Variants in ARHGAP45 observed in about 807,000 individuals in gnomAD.
ARHGAP45 encodes rho GTPase-activating protein 45.
A neutral mutation model predicts 116.1 loss-of-function variants in ARHGAP45; 56 were observed. The observed-to-expected ratio is 0.48, with a 90% CI of 0.39 to 0.60. ARHGAP45 has a LOEUF of 0.60. ARHGAP45 is among the 20% of genes least tolerant of loss of function. ARHGAP45 has a pLI of 0.00. For synonymous variants in ARHGAP45, 866 were observed against 701.7 expected (o/e 1.23, Z -3.70); for missense variants, 1,622 against 1,601.0 (o/e 1.01, Z -0.22).
In ARHGAP45 at chr19:1,085,695, C is replaced by G. The variant is rs1302148502; in HGVS notation, c.3100C>G (p.Leu1034Val). The change falls in exon 23 of 23, where the codon CTA (leucine) becomes GTA (valine). Residue 1034 changes from leucine to valine, a missense_variant. Leu to Val is a conservative substitution (Grantham distance 32). Around this residue, in one of 3 missense-constraint regions of ARHGAP45, gnomAD observed 1,334 missense variants for 1,263.8 expected, o/e 1.06. Transcript: ENST00000313093. ...TGTGTCCAACGATTCGGACTCGGAC[C>G]TAGAGGAGGCCTCCGAGCTGCTGTC... Reference protein sequence around the residue: ...RVVSNDSDSDLEEASELLSSS... With the variant: ...RVVSNDSDSDVEEASELLSSS... 1.3e-6 allele frequency: 2 copies of G among 1,599,122 alleles called. No homozygotes were observed. The highest frequency in any genetic ancestry group is 1.7e-6 in the Non-Finnish European group (2 of 1,171,246).
chr19:1,082,504 A>G (rs2043469978), intron 19 of ARHGAP45: 1 of 388,756 alleles, frequency 2.6e-6, no homozygotes, highest in African/African-American at 2.2e-5. Context: ...GGAAGGGCGG[A>G]GCTGGGCTGG....
Position 1,077,785 on chromosome 19 carries a change from G to A in ARHGAP45, c.1186-72G>A, listed in dbSNP as rs1241917716. The A allele has an allele frequency of 3.2e-6, 5 of 1,547,362 alleles. No homozygotes were observed. In the African/African-American group the frequency reaches 4.1e-5, roughly 13 times the overall value. On this transcript the variant is annotated intron_variant, in intron 10 of 22. Transcript: ENST00000313093. ...GAGAGAGATGGGGGTGGGGAGGAAAGGAGGAGCTGGGGAGACTGAGTCCCA... is the reference window on the plus strand; with the variant it reads ...GAGAGAGATGGGGGTGGGGAGGAAAAGAGGAGCTGGGGAGACTGAGTCCCA...
At chr19:1,084,101 T>TG in intron 21 of ARHGAP45, 137 bp from the exon 22 acceptor site, 4 of 760,836 alleles carry the variant, frequency 5.3e-6, no homozygotes, top group Non-Finnish European at 6.9e-6. Flanking sequence ...TTCTCGGGTT[T>TG]GCTCTTGGCT....
At chr19:1,066,450 A>G (rs1268960900), upstream of ARHGAP45, 2 of 479,252 alleles carry the variant, frequency 4.2e-6, no homozygotes, top group East Asian at 3.8e-5. Context: ...GGGGCTGGGG[A>G]CCTTAGCTAA....
chr19:1,080,219 A>G (rs769125877), intron 13 of ARHGAP45, 36 bp from the exon 14 acceptor site: 1 of 1,611,122 alleles, frequency 6.2e-7, no homozygotes, highest in South Asian at 1.1e-5. Context: ...CTTGCCCCCC[A>G]TCACCTCCCC....
chr19:1,067,486 G>A lies in ARHGAP45; in HGVS notation c.81G>A (p.Gln27=). Residue 27 remains glutamine (Q), a synonymous_variant, in exon 1 of 23, where the codon CAG becomes CAA. Transcript: ENST00000313093. ...KKNRAGSPSP[Q]PSGELPRKDG... is the part of the protein sequence containing the mutation. ...ACCGCGCGGGAAGCCCCAGCCCGCA[G>A]CCCTCGGGGGTGAGTGGAGCCCGGG... 6.2e-7 allele frequency: 1 copy of A among 1,600,460 alleles called. No individual in the cohort carries two copies. Among genetic ancestry groups the A allele is most frequent in the Non-Finnish European group, 8.5e-7 (1 of 1,174,472 alleles).
chr19:1,084,417 A>G, intron 22 of ARHGAP45, 71 bp downstream of exon 22: 2 of 1,186,106 alleles, frequency 1.7e-6, no homozygotes, highest in Non-Finnish European at 2.4e-6. Flanking sequence ...AGGTGCCATG[A>G]CCTAGTTGTA....
Position 1,082,917 on chromosome 19 carries a change from C to A in ARHGAP45, c.2595C>A (p.Ala865=). The part of the protein sequence containing the change: ...GLAKDSLKAE[A]EAKAASRGRQ... Reference sequence around the variant, plus strand: ...CCAAGGACAGCCTGAAGGCAGAGGCCGAGGCCAAGGCGGCGTCCCGGGGCC... The same window carrying A: ...CCAAGGACAGCCTGAAGGCAGAGGCAGAGGCCAAGGCGGCGTCCCGGGGCC... Residue 865 remains alanine (A), a synonymous_variant, in exon 20 of 23, where the codon GCC becomes GCA. Coordinates refer to ENST00000313093, the MANE Select transcript of ARHGAP45 (RefSeq NM_012292.5). 6.3e-7 allele frequency: 1 copy of A among 1,595,076 alleles called. No individual in the cohort carries two copies. Among genetic ancestry groups the A allele is most frequent in the East Asian group, 2.3e-5 (1 of 44,278 alleles).
At chr19:1,076,136 G>T (rs552360510) in intron 10 of ARHGAP45, among the ~76,000 whole-genome samples, 1 of 152,162 alleles carries the variant, frequency 6.6e-6, no homozygotes, top group Non-Finnish European at 1.5e-5. Flanking sequence ...GCTATGACAA[G>T]CTTGTGCCCC....
chr19:1,069,586 G>C lies in ARHGAP45; in HGVS notation c.421+842G>C, dbSNP rs2043100890. ...CCAGGACTGGACCTCAAGTGGTGGAGTGGCCTCTGCACCTTCAGGGCACTA... is the reference window on the plus strand; with the variant it reads ...CCAGGACTGGACCTCAAGTGGTGGACTGGCCTCTGCACCTTCAGGGCACTA... On this transcript the variant is annotated intron_variant, in intron 2 of 22. Coordinates refer to ENST00000313093, the MANE Select transcript of ARHGAP45 (RefSeq NM_012292.5). The surrounding 1 kb of genome is among the most constrained non-coding windows in gnomAD (Gnocchi z 4.1). 6.6e-6 allele frequency among the ~76,000 whole-genome samples: 1 copy of C among 152,226 alleles called. No homozygotes were observed. The highest frequency in any genetic ancestry group is 1.5e-5 in the Non-Finnish European group (1 of 68,044).
In ARHGAP45 at chr19:1,085,790, G is replaced by A. The variant is rs1242178551; in HGVS notation, c.3195G>A (p.Glu1065=). 3 of 1,612,688 alleles carry A rather than the reference G, an allele frequency of 1.9e-6. No individual in the cohort carries two copies. The highest frequency in any genetic ancestry group is 2.5e-6 in the Non-Finnish European group (3 of 1,179,890). ...LEQQQSEASL[E]VASGSHSGSE... ...AGCAGCAGAGCGAGGCCAGCCTAGA[G>A]GTGGCTTCTGGCAGCCACAGCGGCA... The change falls in exon 23 of 23, where the codon GAG becomes GAA. Residue 1065 remains glutamate (E), a synonymous_variant. Coordinates refer to ENST00000313093, the MANE Select transcript of ARHGAP45 (RefSeq NM_012292.5).
chr19:1,075,926 C>T (rs996320232), intron 10 of ARHGAP45, among the ~76,000 whole-genome samples: 3 of 152,226 alleles, frequency 2.0e-5, no homozygotes, highest in Non-Finnish European at 2.9e-5. Context: ...TTTGTACACA[C>T]GAGGACAGCT....
chr19:1,079,822 C>G lies in ARHGAP45; in HGVS notation c.1494C>G (p.Ser498Arg), dbSNP rs945681185. Residue 498 changes from serine (S) to arginine (R), a missense_variant, in exon 12 of 23, where the codon AGC (serine) becomes AGG (arginine). Coordinates refer to ENST00000313093, the MANE Select transcript of ARHGAP45 (RefSeq NM_012292.5). The part of the protein sequence containing the change: ...LRQIQEVIRQ[S>R]DQTIKSATIS... ...AGATCCAGGAGGTCATCCGGCAGAG[C>G]GACCAAACCATCAAGTCGGTGCGTG... 6.2e-7 allele frequency: 1 copy of G among 1,607,202 alleles called. No individual in the cohort carries two copies.
Position 1,073,156 on chromosome 19 carries a change from T to C in ARHGAP45, c.429T>C (p.Leu143=), listed in dbSNP as rs773288679. The C allele has an allele frequency of 2.5e-6, 4 of 1,606,450 alleles. No individual in the cohort carries two copies. Among genetic ancestry groups the C allele is most frequent in the Admixed American group, 1.7e-5 (1 of 59,936 alleles). The change falls in exon 3 of 23, where the codon CTT becomes CTC. Residue 143 remains leucine (L), a synonymous_variant. Transcript: ENST00000313093. ...LKECVLRDDL[L]EARRPRAHEC... is the part of the protein sequence containing the mutation. ...TCCGACTCTCCCCAGCAGACCTCCTTGAGGCCCGCCGCCCGCGGGCCCACG... is the reference window on the plus strand; with the variant it reads ...TCCGACTCTCCCCAGCAGACCTCCTCGAGGCCCGCCGCCCGCGGGCCCACG...
In ARHGAP45 at chr19:1,082,645, G is replaced by A. The variant is rs779206388; in HGVS notation, c.2518-195G>A. 7.5e-4 allele frequency: 417 copies of A among 558,102 alleles called. 1 individual carries two copies. The highest frequency in any genetic ancestry group is 1.4e-3 in the Middle Eastern group (3 of 2,148). 34.6% of individuals were successfully genotyped at this position (558,102 alleles called of 1,614,324 possible). A position where few individuals can be genotyped will look rare whatever the true frequency, so the allele number is the denominator to read the frequency against. On this transcript the variant is annotated intron_variant, in intron 19 of 22. Coordinates refer to ENST00000313093, the MANE Select transcript of ARHGAP45 (RefSeq NM_012292.5). ...AGAGCGAGAAAGGGAGTGGAGCTGCGGGCGTGGCCCGGGTAGGAGGGGCAG... is the reference window on the plus strand; with the variant it reads ...AGAGCGAGAAAGGGAGTGGAGCTGCAGGCGTGGCCCGGGTAGGAGGGGCAG...
rs570318951 is a variant in ARHGAP45 at position 1,073,087 on chromosome 19, G to C, written c.422-62G>C. 210 of 1,530,142 alleles carry C rather than the reference G, an allele frequency of 1.4e-4. No homozygotes were observed. The African/African-American group carries it at 2.7e-3, about 20-fold the overall frequency. The allele number at this position is 1,530,142 out of a possible 1,614,324, so 94.8% of individuals were successfully genotyped here. A position where few individuals can be genotyped will look rare whatever the true frequency, so the allele number is the denominator to read the frequency against. ...AACAGGAGCTCTAAAGAGGGAGGAG[G>C]TGGACAGACTTTCCCTGGGACTGGG... On this transcript the variant is annotated intron_variant, in intron 2 of 22. Coordinates refer to ENST00000313093, the MANE Select transcript of ARHGAP45 (RefSeq NM_012292.5).
chr19:1,086,138 G>A lies in ARHGAP45; in HGVS notation c.*132G>A, dbSNP rs529746178. ...CTGCCGAGAGCGCCTGGACTTCGACGTCCCACCAGCGGGCGCCTCCTCCCA... is the reference window on the plus strand; with the variant it reads ...CTGCCGAGAGCGCCTGGACTTCGACATCCCACCAGCGGGCGCCTCCTCCCA... On this transcript the variant is annotated 3_prime_UTR_variant, in exon 23 of 23. Coordinates refer to ENST00000313093, the MANE Select transcript of ARHGAP45 (RefSeq NM_012292.5). 210 of 802,296 alleles carry A rather than the reference G, an allele frequency of 2.6e-4. No homozygotes were observed. The African/African-American group carries it at 3.0e-3, about 12-fold the overall frequency. 49.7% of individuals were successfully genotyped at this position (802,296 alleles called of 1,614,324 possible). A position where few individuals can be genotyped will look rare whatever the true frequency, so the allele number is the denominator to read the frequency against.
intron 11 of ARHGAP45, among the ~76,000 whole-genome samples, chr19:1,079,197 C>G (rs992559654): frequency 3.0e-5 from 4 of 134,416 alleles, no homozygotes; most frequent in African/African-American, 5.9e-5. Context: ...AAAAAAAATT[C>G]TTTATAAAGA....
intron 19 of ARHGAP45, 119 bp downstream of exon 19, chr19:1,082,080 G>A (rs975733779): frequency 9.4e-7 from 1 of 1,069,464 alleles, no homozygotes. Flanking sequence ...TGGCGCAAGC[G>A]GGGGCCTGGG....
Sources: allele counts gnomAD v4.1 joint callset (sites outside exome capture counted in the v4.1 genomes callset), GRCh38; gene constraint gnomAD v4.1.1; regional missense constraint gnomAD v4.1.1; non-coding constraint Gnocchi (gnomAD v3.1); transcripts MANE v1.5; gene names NCBI Gene and HGNC (gene_info 2026-07-23, HGNC 2026-07-21).